ZNG1E: variants seen among roughly 807,000 people sequenced by gnomAD.
ZNG1E encodes the protein zinc-regulated GTPase metalloprotein activator 1E.
At chr9:65,664,028 G>A in the ZNG1E span, among the ~76,000 whole-genome samples, 1 of 152,204 alleles carries the variant, frequency 6.6e-6, no homozygotes, top group African/African-American at 2.4e-5. Flanking sequence ...GCACATACAA[G>A]CATGTTTTTG....
chr9:65,727,915 T>TACAGAATATTCCATCCAACAACC, the ZNG1E span, among the ~76,000 whole-genome samples: 1 of 145,346 alleles, frequency 6.9e-6, no homozygotes, highest in African/African-American at 2.6e-5. Context: ...AAAAGATATA[T>TACAGAATATTCCATCCAACAACC]ACAGAATATT....
chr9:65,714,029 A>G, the ZNG1E span, among the ~76,000 whole-genome samples: 4 of 150,270 alleles, frequency 2.7e-5, no homozygotes, highest in Non-Finnish European at 3.0e-5. Flanking sequence ...ACATAGTCCC[A>G]TATTTCTTGG....
chr9:65,658,591 A>G, the ZNG1E span, among the ~76,000 whole-genome samples: 5 of 151,772 alleles, frequency 3.3e-5, no homozygotes, highest in African/African-American at 7.3e-5. Flanking sequence ...AAAAAAAAAA[A>G]AAAAGAATGG....
chr9:65,709,604 T>G, the ZNG1E span, among the ~76,000 whole-genome samples: 1 of 135,254 alleles, frequency 7.4e-6, no homozygotes, highest in Non-Finnish European at 1.5e-5. Flanking sequence ...TATGCGGTGT[T>G]TGGTTTTTTG....
chr9:65,710,615 C>A, the ZNG1E span, among the ~76,000 whole-genome samples: 6 of 152,192 alleles, frequency 3.9e-5, no homozygotes, highest in South Asian at 1.2e-3. Flanking sequence ...ATACGGAATC[C>A]TTTCCCCACT....
chr9:65,659,474 G>T, the ZNG1E span, among the ~76,000 whole-genome samples: 566 of 143,032 alleles, frequency 4.0e-3, no homozygotes, highest in African/African-American at 0.015. Flanking sequence ...CATCCTGGGT[G>T]ACAGAATGAG....
chr9:65,658,021 C>A, the ZNG1E span, among the ~76,000 whole-genome samples: 20 of 152,264 alleles, frequency 1.3e-4, no homozygotes, highest in African/African-American at 4.3e-4. Flanking sequence ...ATCACTTGAA[C>A]CTGGGAGGCG....
At chr9:65,709,446 C>T in the ZNG1E span, among the ~76,000 whole-genome samples, 1 of 138,298 alleles carries the variant, frequency 7.2e-6, no homozygotes, top group African/African-American at 2.9e-5. Flanking sequence ...TGGTGGGCTG[C>T]ACCCACTAAC....
At chr9:65,664,978 C>G in the ZNG1E span, among the ~76,000 whole-genome samples, 1 of 152,254 alleles carries the variant, frequency 6.6e-6, no homozygotes, top group Non-Finnish European at 1.5e-5. Context: ...GAAGAAATTT[C>G]TAAGCAGCAA....
chr9:65,687,418 G>A, the ZNG1E span, among the ~76,000 whole-genome samples: 2 of 151,098 alleles, frequency 1.3e-5, no homozygotes, highest in Non-Finnish European at 1.5e-5. Flanking sequence ...ACACTTCATT[G>A]ATTCAAAATA....
chr9:65,715,287 G>A, the ZNG1E span, among the ~76,000 whole-genome samples: 2 of 149,818 alleles, frequency 1.3e-5, no homozygotes, highest in East Asian at 1.9e-4. Context: ...ACTGACCTGC[G>A]CCCACTGTCT....
At chr9:65,707,719 TG>T in the ZNG1E span, 11 of 108,708 alleles carry the variant, frequency 1.0e-4, no homozygotes, top group African/African-American at 3.3e-4. Flanking sequence ...TGACCAATGA[TG>T]TTTTTTTTCC....
the ZNG1E span, chr9:65,681,904 G>A: frequency 1.6e-6 from 1 of 613,580 alleles, no homozygotes; most frequent in South Asian, 2.1e-5. Flanking sequence ...TTTGATGTCA[G>A]GGCTTATTTA....
the ZNG1E span, among the ~76,000 whole-genome samples, chr9:65,712,178 T>C: frequency 6.8e-6 from 1 of 146,078 alleles, no homozygotes; most frequent in Middle Eastern, 3.6e-3. Context: ...GTAGTTTGTA[T>C]TTCTGTGGGA....
At chr9:65,678,650 CT>C in the ZNG1E span, among the ~76,000 whole-genome samples, 1 of 136,134 alleles carries the variant, frequency 7.3e-6, no homozygotes, top group African/African-American at 2.9e-5. Context: ...GTTCACAAGA[CT>C]TTTTTTTCTA....
chr9:65,708,207 C>T, the ZNG1E span: 1 of 146,186 alleles, frequency 6.8e-6, no homozygotes, highest in Non-Finnish European at 1.5e-5. Context: ...ATAACTCAAT[C>T]ACCAGTCTTT....
chr9:65,668,062 A>G, the ZNG1E span, among the ~76,000 whole-genome samples: 1 of 145,120 alleles, frequency 6.9e-6, no homozygotes, highest in Non-Finnish European at 1.5e-5. Flanking sequence ...ATCAGTGCAT[A>G]TTGTCAAGTG....
At chr9:65,672,288 C>G in the ZNG1E span, among the ~76,000 whole-genome samples, 1 of 151,720 alleles carries the variant, frequency 6.6e-6, no homozygotes, top group East Asian at 1.9e-4. Flanking sequence ...TTGTTTTACC[C>G]TAAAGTAAAT....
At chr9:65,683,817 G>A in the ZNG1E span, among the ~76,000 whole-genome samples, 2 of 152,286 alleles carry the variant, frequency 1.3e-5, no homozygotes, top group Admixed American at 1.3e-4. Context: ...CTTATAGTAA[G>A]CATGGGTTTT....
Sources: allele counts gnomAD v4.1 joint callset (sites outside exome capture counted in the v4.1 genomes callset), GRCh38; gene constraint gnomAD v4.1.1; transcripts MANE v1.5; gene names NCBI Gene and HGNC (gene_info 2026-07-23, HGNC 2026-07-21).